Variants in CPNE8 observed in about 807,000 individuals in gnomAD.
CPNE8 encodes copine 8.
Under a neutral mutation model 81.5 loss-of-function variants are expected in CPNE8, and 45 were observed. The ratio of observed to expected loss-of-function variants is 0.55; its 90% CI spans 0.44 to 0.71. The LOEUF (loss-of-function observed/expected upper bound fraction) is 0.71. Among genes scored for constraint, CPNE8 ranks in the 30% least tolerant of loss-of-function variants. The pLI is 0.00. For synonymous variants in CPNE8, 252 were observed against 226.3 expected (o/e 1.11, Z -1.02); for missense variants, 594 against 672.1 (o/e 0.88, Z 1.28).
intron 1 of CPNE8, among the ~76,000 whole-genome samples, chr12:38,890,418 C>G (rs1944298550): frequency 6.6e-6 from 1 of 152,174 alleles, no homozygotes; most frequent in Admixed American, 6.5e-5. Context: ...TCATTTTTAA[C>G]TTGAACATGT....
chr12:38,758,376 T>A (rs974493571), intron 10 of CPNE8, among the ~76,000 whole-genome samples: 4 of 152,114 alleles, frequency 2.6e-5, no homozygotes, highest in Non-Finnish European at 4.4e-5. Context: ...AATAAAAAAA[T>A]TATGTTAGAT....
At chr12:38,783,187 A>G (rs1367407083) in intron 6 of CPNE8, among the ~76,000 whole-genome samples, 1 of 152,154 alleles carries the variant, frequency 6.6e-6, no homozygotes, top group Non-Finnish European at 1.5e-5. Context: ...CATAGATAAG[A>G]CTGGTGGAAG....
chr12:38,895,501 C>CAA (rs1944377213), intron 1 of CPNE8, among the ~76,000 whole-genome samples: 1 of 152,068 alleles, frequency 6.6e-6, no homozygotes, highest in South Asian at 2.1e-4. Context: ...ATAGTCTTCT[C>CAA]ATTACTTAAT....
At chr12:38,758,259 T>C (rs886356076) in intron 10 of CPNE8, among the ~76,000 whole-genome samples, 1 of 152,102 alleles carries the variant, frequency 6.6e-6, no homozygotes, top group Admixed American at 6.6e-5. Context: ...GTTAGGATTC[T>C]TTCAGAGTCT....
Position 38,800,962 on chromosome 12 carries a change from G to T in CPNE8, c.408-24661C>A, listed in dbSNP as rs868535456. On this transcript the variant is annotated intron_variant, in intron 6 of 19. Transcript: ENST00000331366. The stretch of plus-strand genomic sequence containing the variant: ...CAAGAAGGGAAGTTTAGAGAAAAAA[G>T]AATAAAAAGAAATGAGCAAAGCCTC... 1.4e-3 allele frequency among the ~76,000 whole-genome samples: 206 copies of T among 147,510 alleles called. 3 individuals carry two copies. The highest frequency in any genetic ancestry group is 4.9e-3 in the African/African-American group (194 of 39,648).
chr12:38,792,168 C>A (rs1195833730), intron 6 of CPNE8, among the ~76,000 whole-genome samples: 1 of 151,008 alleles, frequency 6.6e-6, no homozygotes, highest in Non-Finnish European at 1.5e-5. Flanking sequence ...CTTTATACCT[C>A]AAAGAACAAA....
rs1278873407 is a variant in CPNE8, at chr12:38,813,524, A to T, written c.407+15855T>A. Among the ~76,000 whole-genome samples the T allele has an allele frequency of 2.0e-5, 3 of 152,268 alleles. No homozygotes were observed. The East Asian group carries it at 5.8e-4, about 29-fold the overall frequency. The stretch of plus-strand genomic sequence containing the variant: ...AATTTTGGGGCTTATTCAATTTGAG[A>T]TTTCTTTGGGACATCTATGTTCAGT... On this transcript the variant is annotated intron_variant, in intron 6 of 19. Transcript: ENST00000331366.
At chr12:38,749,583 ATGACGTACT>A (rs1941308707) in intron 10 of CPNE8, among the ~76,000 whole-genome samples, 1 of 152,094 alleles carries the variant, frequency 6.6e-6, no homozygotes, top group Non-Finnish European at 1.5e-5. Flanking sequence ...CAGGCTGAGG[ATGACGTACT>A]TGTTGGGAAC....
chr12:38,746,916 T>G (rs1941237836), intron 10 of CPNE8, among the ~76,000 whole-genome samples: 1 of 152,178 alleles, frequency 6.6e-6, no homozygotes, highest in Non-Finnish European at 1.5e-5. Flanking sequence ...GTAATGTATC[T>G]TAATTAAATG....
intron 3 of CPNE8, among the ~76,000 whole-genome samples, chr12:38,867,348 GAGAGAGAGAGAGAGAGAGAGAC>G (rs1476688607): frequency 4.6e-5 from 7 of 151,276 alleles, no homozygotes; most frequent in African/African-American, 1.7e-4. Flanking sequence ...GTGAGAGAGA[GAGAGAGAGAGAGAGAGAGAGAC>G]AGAGAGAGAG....
intron 8 of CPNE8, among the ~76,000 whole-genome samples, chr12:38,766,264 G>A (rs78775211): frequency 0.016 from 2,412 of 152,236 alleles, 59 homozygotes; most frequent in African/African-American, 0.054. Context: ...TAATCTTTAT[G>A]AAGAAAACTA....
chr12:38,718,915 T>C (rs1392951781), intron 13 of CPNE8, among the ~76,000 whole-genome samples: 3 of 152,176 alleles, frequency 2.0e-5, no homozygotes, highest in Admixed American at 1.3e-4. Flanking sequence ...ATACACACAA[T>C]ACATTTAATG....
intron 19 of CPNE8, among the ~76,000 whole-genome samples, chr12:38,661,764 C>A: frequency 6.6e-6 from 1 of 152,144 alleles, no homozygotes; most frequent in African/African-American, 2.4e-5. Flanking sequence ...CAACGAAATA[C>A]TAGCAAACCA....
In CPNE8 at chr12:38,757,253, T is replaced by C. The variant is rs745747519; in HGVS notation, c.722+3594A>G. Among the ~76,000 whole-genome samples the C allele has an allele frequency of 1.2e-4, 19 of 152,086 alleles. 1 individual carries two copies. The South Asian group carries it at 3.1e-3, about 25-fold the overall frequency. ...ATGATGACAGGAATACAAAAATAAG[T>C]AATAGGAAACAGTCTCTGTTGATCA... is the stretch of plus-strand genomic sequence containing the variant. On this transcript the variant is annotated intron_variant, in intron 10 of 19. Transcript: ENST00000331366.
chr12:38,833,406 C>CCAAATG (rs1427113490), intron 5 of CPNE8, among the ~76,000 whole-genome samples: 1 of 148,220 alleles, frequency 6.7e-6, no homozygotes, highest in Non-Finnish European at 1.5e-5. Context: ...TTCTAACAGT[C>CCAAATG]CAAATGAAGG....
In CPNE8 at chr12:38,832,957, A is replaced by G. The variant is rs537712285; in HGVS notation, c.331-3502T>C. Among the ~76,000 whole-genome samples the G allele has an allele frequency of 2.0e-5, 3 of 152,324 alleles. No homozygotes were observed. In the South Asian group the frequency reaches 6.2e-4, roughly 32 times the overall value. The stretch of plus-strand genomic sequence containing the variant: ...CTAAATCCAACCTCCGAGAGATAAT[A>G]CAAAGTTCTAAATTTAAATTACAAA... On this transcript the variant is annotated intron_variant, in intron 5 of 19. Transcript: ENST00000331366.
At chr12:38,899,408 A>C (rs1337738630) in intron 1 of CPNE8, among the ~76,000 whole-genome samples, 1 of 152,146 alleles carries the variant, frequency 6.6e-6, no homozygotes, top group Non-Finnish European at 1.5e-5. Flanking sequence ...TCAGAACCTG[A>C]CTATGTTGGC....
intron 6 of CPNE8, among the ~76,000 whole-genome samples, chr12:38,795,641 C>T (rs1942442372): frequency 6.6e-6 from 1 of 151,992 alleles, no homozygotes; most frequent in African/African-American, 2.4e-5. Flanking sequence ...TGTATAATCC[C>T]ACATATATGA....
rs747667986 is a variant in CPNE8, at chr12:38,839,938, T to C, written c.308A>G (p.Lys103Arg). The change falls in exon 5 of 20, where the codon AAG becomes AGG. Residue 103 changes from lysine (K) to arginine (R), a missense_variant. By Grantham distance (26) the Lys-to-Arg change is conservative (BLOSUM62 2). Coordinates refer to ENST00000331366, the MANE Select transcript of CPNE8 (RefSeq NM_153634.3). The part of the protein sequence containing the change: ...LRFDLYDVDS[K>R]SPNLSKHDFL... ...TACATGTTTGGATAAGTTGGGGCTC[T>C]TTGAATCAACATCATACCTAAAAGA... 7 of 1,582,214 alleles carry C rather than the reference T, an allele frequency of 4.4e-6. No individual in the cohort carries two copies. The highest frequency in any genetic ancestry group is 6.0e-6 in the Non-Finnish European group (7 of 1,158,186).
Sources: allele counts gnomAD v4.1 joint callset (sites outside exome capture counted in the v4.1 genomes callset), GRCh38; gene constraint gnomAD v4.1.1; transcripts MANE v1.5; gene names NCBI Gene and HGNC (gene_info 2026-07-23, HGNC 2026-07-21).